MMP26: variants seen among roughly 807,000 people sequenced by gnomAD.
MMP26 encodes the protein matrix metalloproteinase-26.
In MMP26, 33 loss-of-function variants were observed where a neutral mutation model predicts 31.0. The ratio of observed to expected loss-of-function variants is 1.06; its 90% CI spans 0.81 to 1.42. MMP26 has a LOEUF of 1.42. Ranked by LOEUF, MMP26 falls within the 40% of genes most tolerant of loss-of-function variation. The pLI is 0.00. For synonymous variants in MMP26, 122 were observed against 114.9 expected (o/e 1.06, Z -0.40); for missense variants, 347 against 316.1 (o/e 1.10, Z -0.74).
chr11:4,768,978 T>C (rs1848668245), intron 2 of MMP26: 1 of 1,494,794 alleles, frequency 6.7e-7, no homozygotes. Context: ...ACTATGTCTG[T>C]TCATTTTGTA....
intron 2 of MMP26, among the ~76,000 whole-genome samples, chr11:4,770,404 G>T (rs919601773): frequency 2.0e-5 from 3 of 152,170 alleles, no homozygotes; most frequent in Non-Finnish European, 4.4e-5. Flanking sequence ...AGTTATCAAT[G>T]TATATTTATC....
intron 2 of MMP26, among the ~76,000 whole-genome samples, chr11:4,874,403 T>C (rs1414102535): frequency 6.6e-6 from 1 of 152,108 alleles, no homozygotes; most frequent in Non-Finnish European, 1.5e-5. Context: ...TTTTGTCTAG[T>C]GGCTTTGCTC....
At chr11:4,856,941 T>C (rs1315943382) in intron 2 of MMP26, among the ~76,000 whole-genome samples, 2 of 152,032 alleles carry the variant, frequency 1.3e-5, no homozygotes, top group Non-Finnish European at 1.5e-5. Context: ...CACAACTACA[T>C]GGAAACTGAA....
intron 2 of MMP26, among the ~76,000 whole-genome samples, chr11:4,841,158 C>T (rs1426628341): frequency 1.3e-5 from 2 of 152,060 alleles, no homozygotes; most frequent in African/African-American, 4.8e-5. Flanking sequence ...ACAAAGCGTA[C>T]TTACAGGATC....
intron 2 of MMP26, among the ~76,000 whole-genome samples, chr11:4,793,495 T>A (rs1393571059): frequency 6.6e-6 from 1 of 152,212 alleles, no homozygotes; most frequent in Admixed American, 6.5e-5. Flanking sequence ...ATTCTATCCA[T>A]TTTCCTAAGA....
chr11:4,808,366 G>T (rs1318670591), intron 2 of MMP26, among the ~76,000 whole-genome samples: 1 of 152,076 alleles, frequency 6.6e-6, no homozygotes, highest in Non-Finnish European at 1.5e-5. Context: ...GTGCACAACT[G>T]CATGCTGAAT....
At chr11:4,741,668 G>A (rs113076616) in intron 1 of MMP26, among the ~76,000 whole-genome samples, 6,123 of 150,818 alleles carry the variant, frequency 0.041, 443 homozygotes, top group African/African-American at 0.15. Context: ...GGGAGGGGAG[G>A]GAACTTAGAG....
chr11:4,723,819 C>T, intron 1 of MMP26: 2 of 1,565,810 alleles, frequency 1.3e-6, no homozygotes, highest in Non-Finnish European at 1.7e-6. Flanking sequence ...TGGTCTCCAG[C>T]ATCTTGTTAT....
intron 2 of MMP26, among the ~76,000 whole-genome samples, chr11:4,911,821 T>C (rs950196266): frequency 1.2e-4 from 18 of 152,218 alleles, no homozygotes; most frequent in Non-Finnish European, 2.9e-5. Flanking sequence ...TTTACTGTGC[T>C]GTTGTCTGTC....
At chr11:4,768,763 A>T (rs1484419131) in intron 2 of MMP26, among the ~76,000 whole-genome samples, 1 of 152,192 alleles carries the variant, frequency 6.6e-6, no homozygotes, top group Admixed American at 6.5e-5. Flanking sequence ...ATTATTTATC[A>T]TTTCATTATT....
chr11:4,889,360 T>A (rs754189552), intron 2 of MMP26, among the ~76,000 whole-genome samples: 1 of 152,178 alleles, frequency 6.6e-6, no homozygotes, highest in Non-Finnish European at 1.5e-5. Context: ...GTTGTTATGC[T>A]GTATTGTTCA....
At chr11:4,840,412 A>G (rs1243469061) in intron 2 of MMP26, among the ~76,000 whole-genome samples, 1 of 152,160 alleles carries the variant, frequency 6.6e-6, no homozygotes, top group Non-Finnish European at 1.5e-5. Context: ...CCCAGCACAG[A>G]CATACTGGTG....
At chr11:4,923,985 A>G in intron 2 of MMP26, 1 of 1,614,186 alleles carries the variant, frequency 6.2e-7, no homozygotes. Flanking sequence ...ATGGACATGG[A>G]TAACAGAACT....
rs145429724 is a variant in MMP26 at position 4,819,969 on chromosome 11, A to G, written c.-145+52628A>G. Among the ~76,000 whole-genome samples, 837 of 152,238 alleles carry G rather than the reference A, an allele frequency of 5.5e-3. 10 individuals carry two copies. Among genetic ancestry groups the G allele is most frequent in the African/African-American group, 0.018 (749 of 41,552 alleles). Reference sequence around the variant, plus strand: ...TTTTCTTGGCCCTTTGCATACAGGAACTATCGATATTAAGACTACTTTCCA... The same window carrying G: ...TTTTCTTGGCCCTTTGCATACAGGAGCTATCGATATTAAGACTACTTTCCA... On this transcript the variant is annotated intron_variant, in intron 2 of 7. Coordinates refer to ENST00000380390, the MANE Select transcript of MMP26 (RefSeq NM_021801.5).
In MMP26 at chr11:4,760,687, C is replaced by T. The variant is rs544366746; in HGVS notation, c.-216-6583C>T. Among the ~76,000 whole-genome samples the T allele has an allele frequency of 2.0e-5, 3 of 152,192 alleles. No individual in the cohort carries two copies. The East Asian group carries it at 5.8e-4, about 29-fold the overall frequency. On this transcript the variant is annotated intron_variant, in intron 1 of 7. Transcript: ENST00000380390. ...TTTCCATTGATAGATTTCATGGAGC[C>T]AGTGTGTGAATCCAGGACTGTTTGA...
At position 4,772,134 on chromosome 11, in the gene MMP26, C is replaced by T. The variant is rs72868725; in HGVS notation, c.-145+4793C>T. ...AAAGACAGAGCAAAAAAGAAACCAC[C>T]CTCTCTCCCTATCTATAAAAATTAG... On this transcript the variant is annotated intron_variant, in intron 2 of 7. Coordinates refer to ENST00000380390, the MANE Select transcript of MMP26 (RefSeq NM_021801.5). Among the ~76,000 whole-genome samples, 202 of 152,192 alleles carry T rather than the reference C, an allele frequency of 1.3e-3. 5 individuals are homozygous for T. Among genetic ancestry groups the T allele is most frequent in the Non-Finnish European group, 1.2e-3 (80 of 68,004 alleles).
At chr11:4,877,056 A>T (rs1382221352) in intron 2 of MMP26, 2 of 152,554 alleles carry the variant, frequency 1.3e-5, no homozygotes, top group African/African-American at 2.4e-5. Flanking sequence ...TCTCATCAAA[A>T]GGTTACCTTT....
intron 2 of MMP26, among the ~76,000 whole-genome samples, chr11:4,961,840 A>T (rs1394438248): frequency 1.3e-5 from 2 of 152,168 alleles, no homozygotes; most frequent in Non-Finnish European, 2.9e-5. Context: ...TGAGATTCTG[A>T]CCCAAACTCA....
intron 2 of MMP26, chr11:4,848,053 T>C: frequency 1.6e-6 from 1 of 616,386 alleles, no homozygotes; most frequent in Non-Finnish European, 2.8e-6. Context: ...TGGATCATGT[T>C]CATTCTTTGG....
Sources: gnomAD v4.1 joint callset for allele counts (sites outside exome capture counted in the v4.1 genomes callset) on GRCh38, gnomAD v4.1.1 for gene constraint, MANE v1.5 for transcripts, NCBI Gene and HGNC (gene_info 2026-07-23, HGNC 2026-07-21) for gene names.